The following TNIP3 variants were observed in gnomAD, a reference collection of about 807,000 sequenced individuals.
TNIP3 encodes the protein TNFAIP3-interacting protein 3.
In TNIP3, 34 loss-of-function variants were observed where a neutral mutation model predicts 54.1. The observed-to-expected ratio is 0.63, with a 90% CI of 0.48 to 0.84. TNIP3 has a LOEUF of 0.84. TNIP3 is among the 40% of genes least tolerant of loss of function. The pLI is 0.00. For synonymous variants in TNIP3, 134 were observed against 136.8 expected (o/e 0.98, Z 0.14); for missense variants, 366 against 387.6 (o/e 0.94, Z 0.47).
intron 4 of TNIP3, among the ~76,000 whole-genome samples, chr4:121,156,019 G>A (rs1730063398): frequency 6.6e-6 from 1 of 152,106 alleles, no homozygotes; most frequent in Non-Finnish European, 1.5e-5. Flanking sequence ...ACTGCATTGA[G>A]GGAAAAATTA....
At chr4:121,145,232 A>G (rs1307896034) in intron 7 of TNIP3, among the ~76,000 whole-genome samples, 1 of 152,250 alleles carries the variant, frequency 6.6e-6, no homozygotes, top group Non-Finnish European at 1.5e-5. Flanking sequence ...CATTTAACAC[A>G]GATCATCAAA....
At chr4:121,175,885 CTG>C (rs1320879533) in intron 3 of TNIP3, among the ~76,000 whole-genome samples, 2 of 152,178 alleles carry the variant, frequency 1.3e-5, no homozygotes, top group Non-Finnish European at 2.9e-5. Context: ...ACCTATGTCT[CTG>C]TTTTCCTGGG....
intron 2 of TNIP3, among the ~76,000 whole-genome samples, chr4:121,214,254 G>A (rs997111064): frequency 6.6e-6 from 1 of 151,936 alleles, no homozygotes; most frequent in African/African-American, 2.4e-5. Context: ...TGCACTTCCG[G>A]GTATATACAC....
intron 7 of TNIP3, among the ~76,000 whole-genome samples, chr4:121,143,440 A>G (rs536534806): frequency 2.0e-5 from 3 of 152,214 alleles, no homozygotes; most frequent in Non-Finnish European, 1.5e-5. Context: ...CCACATTCCC[A>G]TAAGGGATGG....
chr4:121,174,095 G>A (rs2148822979), intron 3 of TNIP3, among the ~76,000 whole-genome samples: 1 of 152,286 alleles, frequency 6.6e-6, no homozygotes, highest in East Asian at 1.9e-4. Flanking sequence ...ATTGATGATG[G>A]AATCTTTTCT....
intron 2 of TNIP3, among the ~76,000 whole-genome samples, chr4:121,186,847 C>G (rs1172768158): frequency 6.6e-6 from 1 of 152,120 alleles, no homozygotes; most frequent in African/African-American, 2.4e-5. Flanking sequence ...AGTCACACCT[C>G]AAATAAATGA....
chr4:121,216,570 CA>C, intron 1 of TNIP3: 1 of 1,519,306 alleles, frequency 6.6e-7, no homozygotes, highest in Non-Finnish European at 8.8e-7. Context: ...TGTCAGTCAC[CA>C]AAGGAGAAAA....
rs114253450 is a variant in TNIP3 at position 121,169,443 on chromosome 4, T to A, written c.190-5297A>T. Among the ~76,000 whole-genome samples, 687 of 152,356 alleles carry A rather than the reference T, an allele frequency of 4.5e-3. 5 individuals carry two copies. Among genetic ancestry groups the A allele is most frequent in the African/African-American group, 0.016 (646 of 41,582 alleles). ...CACTTTCCATTCACCTTTCCTGCTT[T>A]ATTTTTCCATAACACTAAATTTTTT... On this transcript the variant is annotated intron_variant, in intron 3 of 12. Coordinates refer to the TNIP3 transcript ENST00000507879.
chr4:121,137,317 G>A lies in TNIP3; in HGVS notation c.946+1307C>T, dbSNP rs535615598. 2.6e-5 allele frequency: 4 copies of A among 152,214 alleles called. No individual in the cohort carries two copies. The East Asian group carries it at 7.7e-4, about 29-fold the overall frequency. The allele number at this position is 152,214 out of a possible 1,614,324, so 9.4% of individuals were successfully genotyped here. ...TAGATTTTAAAATTGCATATATTAT[G>A]CAACACACATTCCGGTTAATGGTAT... On this transcript the variant is annotated intron_variant, in intron 10 of 10. Transcript: ENST00000057513.
Position 121,164,289 on chromosome 4 carries a change from C to A in TNIP3, c.-164G>T. On this transcript the variant is annotated 5_prime_UTR_variant, in exon 1 of 11. Transcript: ENST00000057513. ...GCAATAGGTTTTCATTAAAAATGAA[C>A]AGAAGTGACTGTGGATAGGAATTAC... is the stretch of plus-strand genomic sequence containing the variant. 1 of 1,435,276 alleles carries A rather than the reference C, an allele frequency of 7.0e-7. No individual in the cohort carries two copies. The allele number at this position is 1,435,276 out of a possible 1,614,324, so 88.9% of individuals were successfully genotyped here.
At chr4:121,151,278 A>T (rs1019508040) in intron 5 of TNIP3, among the ~76,000 whole-genome samples, 5 of 152,168 alleles carry the variant, frequency 3.3e-5, no homozygotes, top group East Asian at 1.9e-4. Context: ...TAACTTCAAC[A>T]GTGTCTATTT....
chr4:121,152,849 A>G (rs1262026981), intron 5 of TNIP3, among the ~76,000 whole-genome samples: 1 of 152,234 alleles, frequency 6.6e-6, no homozygotes, highest in Non-Finnish European at 1.5e-5. Context: ...CCCTAACAGT[A>G]CTGTAGGCCT....
intron 2 of TNIP3, among the ~76,000 whole-genome samples, chr4:121,210,085 A>T (rs1726398868): frequency 6.6e-6 from 1 of 152,208 alleles, no homozygotes; most frequent in South Asian, 2.1e-4. Context: ...ACTGATTTTA[A>T]ATGGTGTCAC....
At chr4:121,227,118 C>A (rs1049299944) in intron 1 of TNIP3, among the ~76,000 whole-genome samples, 1 of 151,974 alleles carries the variant, frequency 6.6e-6, no homozygotes, top group East Asian at 1.9e-4. Flanking sequence ...ATCTGATGTG[C>A]ACAAAGGGGC....
intron 2 of TNIP3, 148 bp downstream of exon 2, chr4:121,160,988 C>G: frequency 1.5e-6 from 1 of 653,212 alleles, no homozygotes; most frequent in Non-Finnish European, 2.6e-6. Flanking sequence ...AGAAAGAAGG[C>G]GTTTGCTTTC....
intron 2 of TNIP3, among the ~76,000 whole-genome samples, chr4:121,189,750 T>C (rs1725203650): frequency 1.3e-5 from 2 of 152,218 alleles, no homozygotes; most frequent in Non-Finnish European, 2.9e-5. Context: ...TAAATAGATA[T>C]CGAAGAATTG....
intron 2 of TNIP3, chr4:121,182,915 C>T: frequency 3.1e-6 from 3 of 962,932 alleles, no homozygotes; most frequent in East Asian, 5.3e-5. Context: ...TCTCTACGAT[C>T]TCCCAAACTC....
intron 2 of TNIP3, among the ~76,000 whole-genome samples, chr4:121,184,858 G>A (rs1251035411): frequency 6.6e-6 from 1 of 152,148 alleles, no homozygotes; most frequent in Non-Finnish European, 1.5e-5. Flanking sequence ...CAATGAGTTT[G>A]GACCTATCTT....
chr4:121,222,331 A>G (rs1014079462), intron 1 of TNIP3, among the ~76,000 whole-genome samples: 2 of 152,318 alleles, frequency 1.3e-5, no homozygotes, highest in African/African-American at 4.8e-5. Flanking sequence ...GATAAATTTC[A>G]TCAAAGCACC....
Sources: allele counts gnomAD v4.1 joint callset (sites outside exome capture counted in the v4.1 genomes callset), GRCh38; gene constraint gnomAD v4.1.1; transcripts MANE v1.5; gene names NCBI Gene and HGNC (gene_info 2026-07-23, HGNC 2026-07-21).